Variants in C1orf159 observed in about 807,000 individuals in gnomAD.
C1orf159 encodes chromosome 1 open reading frame 159.
A neutral mutation model predicts 25.6 loss-of-function variants in C1orf159; 19 were observed. The ratio of observed to expected loss-of-function variants is 0.74; its 90% CI spans 0.52 to 1.09. C1orf159 has a LOEUF of 1.09. Ranked by LOEUF, C1orf159 falls within the 50% of genes least tolerant of loss-of-function variation. C1orf159 has a pLI of 0.00. For missense variants in C1orf159, 274 were observed against 290.6 expected, an observed-to-expected ratio of 0.94 and a Z score of 0.42; for synonymous variants, 139 against 124.7, an observed-to-expected ratio of 1.12 and a Z score of -0.77.
chr1:1,084,122 T>C, intron 9 of C1orf159: 1 of 1,569,296 alleles, frequency 6.4e-7, no homozygotes, highest in African/African-American at 1.4e-5. Context: ...GTCACGGGGA[T>C]TAAAGGGGGG....
intron 4 of C1orf159, among the ~76,000 whole-genome samples, chr1:1,088,117 A>T (rs1570306405): frequency 7.5e-6 from 1 of 132,838 alleles, no homozygotes; most frequent in South Asian, 2.6e-4. Flanking sequence ...CTCCCCAAGA[A>T]CCCCCACTGC....
At chr1:1,091,371 T>C in intron 3 of C1orf159, 101 bp downstream of exon 3, 3 of 1,115,690 alleles carry the variant, frequency 2.7e-6, no homozygotes, top group Non-Finnish European at 4.0e-6. Flanking sequence ...GGGACATCAG[T>C]GTCCTAAAGG....
chr1:1,109,414 T>A (rs1022751863), intron 1 of C1orf159, among the ~76,000 whole-genome samples: 4 of 152,120 alleles, frequency 2.6e-5, no homozygotes, highest in Non-Finnish European at 5.9e-5. Flanking sequence ...GGGAACAGTT[T>A]CCTTTCCTTT....
At chr1:1,113,020 AC>A (rs1408692437) in intron 1 of C1orf159, among the ~76,000 whole-genome samples, 1 of 151,814 alleles carries the variant, frequency 6.6e-6, no homozygotes, top group Non-Finnish European at 1.5e-5. Context: ...AAATGCAGAA[AC>A]CCCTTCTCTA....
rs1646238045 is a variant in C1orf159 at position 1,110,169 on chromosome 1, C to G, written c.-136+5891G>C. ...GAGTCTGTCAGTCTCGTGATCTCCACTTTAACACTAATGTTGGTCAGTTGT... is the reference window on the plus strand; with the variant it reads ...GAGTCTGTCAGTCTCGTGATCTCCAGTTTAACACTAATGTTGGTCAGTTGT... On this transcript the variant is annotated intron_variant, in intron 1 of 9. Transcript: ENST00000421241. The surrounding 1 kb of genome is among the most constrained non-coding windows in gnomAD (Gnocchi z 4.8). Among the ~76,000 whole-genome samples, 1 of 152,212 alleles carries G rather than the reference C, an allele frequency of 6.6e-6. No individual in the cohort carries two copies.
chr1:1,092,129 C>A, intron 1 of C1orf159, 26 bp from the exon 2 acceptor site: 1 of 386,318 alleles, frequency 2.6e-6, no homozygotes, highest in Non-Finnish European at 5.2e-6. Flanking sequence ...GCAGGTGAGG[C>A]CGTGGTCACG....
chr1:1,086,128 A>C, intron 6 of C1orf159, 116 bp from the exon 7 acceptor site: 3 of 1,301,466 alleles, frequency 2.3e-6, no homozygotes, highest in Non-Finnish European at 3.2e-6. Flanking sequence ...CCTGAGCCTC[A>C]CGGGACCGGC....
In C1orf159 at chr1:1,084,051, G is replaced by C. The variant is rs139486403; in HGVS notation, c.502+302C>G. On this transcript the variant is annotated intron_variant, in intron 9 of 9. Coordinates refer to ENST00000421241, the MANE Select transcript of C1orf159 (RefSeq NM_017891.5). The stretch of plus-strand genomic sequence containing the variant: ...GGAGCAGGTATTGGGGGTCTGCCCT[G>C]TCGTGGTGGGTCCTCCTTTCCTGCA... The C allele has an allele frequency of 4.7e-4, 757 of 1,608,954 alleles. 4 individuals are homozygous for C. The South Asian group carries it at 4.8e-3, about 10-fold the overall frequency.
At chr1:1,083,252 G>A (rs1018894856) in intron 9 of C1orf159, 3 of 450,394 alleles carry the variant, frequency 6.7e-6, no homozygotes, top group Middle Eastern at 5.7e-4. Flanking sequence ...AGGGCCAGGC[G>A]ATCCCCGAAG....
chr1:1,087,190 C>T lies in C1orf159; in HGVS notation c.259G>A (p.Ala87Thr), dbSNP rs1488746494. ...GAGCTTCTGTTCATGGGGAATGGCG[C>T]ACCCGGGCCAGCAACTGTGGGATAG... is the stretch of plus-strand genomic sequence containing the variant. ...SECRSFAGPGAPFPMNRSSGT... is the reference protein window; with the variant it reads ...SECRSFAGPGTPFPMNRSSGT... The change falls in exon 6 of 10, where the codon GCG becomes ACG. Residue 87 changes from alanine to threonine, a missense_variant. Physicochemically the swap from Ala to Thr is moderately conservative, Grantham distance 58 (BLOSUM62 0). Coordinates refer to ENST00000421241, the MANE Select transcript of C1orf159 (RefSeq NM_017891.5). The surrounding 1 kb of genome is among the most constrained non-coding windows in gnomAD (Gnocchi z 8.3). 1 of 1,608,408 alleles carries T rather than the reference C, an allele frequency of 6.2e-7. No homozygotes were observed. Among genetic ancestry groups the T allele is most frequent in the Non-Finnish European group, 8.5e-7 (1 of 1,178,304 alleles).
At chr1:1,094,502 A>G (rs1490589123) in intron 1 of C1orf159, among the ~76,000 whole-genome samples, 1 of 151,526 alleles carries the variant, frequency 6.6e-6, no homozygotes, top group East Asian at 1.9e-4. Context: ...CTGGGTTCAC[A>G]CCATTCTCCT....
At chr1:1,094,731 T>G (rs780851386) in intron 1 of C1orf159, among the ~76,000 whole-genome samples, 1 of 152,208 alleles carries the variant, frequency 6.6e-6, no homozygotes, top group Non-Finnish European at 1.5e-5. Flanking sequence ...GGACATCTTT[T>G]GAAGAGCAAA....
intron 1 of C1orf159, among the ~76,000 whole-genome samples, chr1:1,111,337 G>C (rs34820586): frequency 0.1 from 15,206 of 147,494 alleles, 932 homozygotes; most frequent in East Asian, 0.21. Flanking sequence ...AAACCAGCCC[G>C]GACAACAGAG....
At chr1:1,104,252 G>A (rs941678706) in intron 1 of C1orf159, among the ~76,000 whole-genome samples, 9 of 152,226 alleles carry the variant, frequency 5.9e-5, no homozygotes, top group African/African-American at 2.2e-4. Context: ...CTCCCAAAGT[G>A]CTGGGATCAC....
At position 1,113,149 on chromosome 1, in the gene C1orf159, T is replaced by C. The variant is rs576850407; in HGVS notation, c.-136+2911A>G. On this transcript the variant is annotated intron_variant, in intron 1 of 9. Transcript: ENST00000421241. ...AGGCAGAGCTTGCAGTGAGCCGAGA[T>C]TGTGCCACTGCACTCCAGCCTGGGC... 2.2e-3 allele frequency among the ~76,000 whole-genome samples: 333 copies of C among 151,514 alleles called. 1 individual carries two copies. The highest frequency in any genetic ancestry group is 7.5e-3 in the African/African-American group (310 of 41,206).
intron 1 of C1orf159, among the ~76,000 whole-genome samples, chr1:1,098,004 T>TG (rs1646032877): frequency 1.3e-5 from 2 of 152,182 alleles, no homozygotes; most frequent in African/African-American, 4.8e-5. Flanking sequence ...AATTTTGATG[T>TG]TATATTTTCA....
chr1:1,114,165 T>A (rs1646302004), intron 1 of C1orf159, among the ~76,000 whole-genome samples: 1 of 151,088 alleles, frequency 6.6e-6, no homozygotes, highest in Non-Finnish European at 1.5e-5. Context: ...TCCGCCCCCC[T>A]CCCCCCACGG....
At chr1:1,084,585 C>A (rs1645799889) in intron 7 of C1orf159, 79 bp from the exon 8 acceptor site, 2 of 1,525,312 alleles carry the variant, frequency 1.3e-6, no homozygotes, top group Non-Finnish European at 1.8e-6. Context: ...TCCGGGACAG[C>A]AGAGCGAGGA....
At chr1:1,091,016 G>GA (rs1645922363) in intron 3 of C1orf159, 1 of 1,504,762 alleles carries the variant, frequency 6.6e-7, no homozygotes, top group Admixed American at 2.0e-5. Context: ...GCGTCCAGGG[G>GA]TGACTGCGGA....
Sources: gnomAD v4.1 joint callset for allele counts (sites outside exome capture counted in the v4.1 genomes callset) on GRCh38, gnomAD v4.1.1 for gene constraint, Gnocchi (gnomAD v3.1) non-coding constraint, MANE v1.5 for transcripts, NCBI Gene and HGNC (gene_info 2026-07-23, HGNC 2026-07-21) for gene names.